Variants in FGF13 observed in about 807,000 individuals in gnomAD.
The protein encoded by FGF13 is fibroblast growth factor 13.
A neutral mutation model predicts 19.5 loss-of-function variants in FGF13; 2 were observed. The observed-to-expected ratio is 0.10, with a 90% CI of 0.04 to 0.32. The LOEUF is 0.32. Ranked by LOEUF, FGF13 falls within the 10% of genes least tolerant of loss-of-function variation. The probability of loss-of-function intolerance (pLI) is 1.00; values close to 1 mark genes in which losing one functional copy is unlikely to be tolerated. For missense variants in FGF13, 113 were observed against 192.7 expected (o/e 0.59, Z 2.45); for synonymous variants, 72 against 76.9 (o/e 0.94, Z 0.33).
At chrX:138,654,483 G>C (rs1049498029) in intron 3 of FGF13, among the ~76,000 whole-genome samples, 17 of 111,974 alleles carry the variant, frequency 1.5e-4, no homozygotes, top group African/African-American at 5.5e-4. Flanking sequence ...GCTCATGCCA[G>C]TAATCCCAAC....
At chrX:138,841,502 CA>C (rs1434601770) in intron 3 of FGF13, among the ~76,000 whole-genome samples, 1 of 110,233 alleles carries the variant, frequency 9.1e-6, no homozygotes. Context: ...AGTACCTATC[CA>C]ATCCTTTTTA....
At position 138,726,208 on chromosome X, in the gene FGF13, GA is replaced by G. The variant is rs1362570705; in HGVS notation, c.28+13033del. On this transcript the variant is annotated intron_variant, in intron 1 of 4. Transcript: ENST00000305414. ...GGGTTTTCATTTGCTACATCAAATTGAAAAAAAAAAATCATGCAGCACAGGA... is the reference window on the plus strand; with the variant it reads ...GGGTTTTCATTTGCTACATCAAATTGAAAAAAAAAATCATGCAGCACAGGA... Among the ~76,000 whole-genome samples, 48 of 106,041 alleles carry G rather than the reference GA, an allele frequency of 4.5e-4. No homozygotes were observed. The South Asian group carries it at 4.8e-3, about 11-fold the overall frequency. 92.1% of individuals were successfully genotyped at this position (106,041 alleles called of 115,157 possible).
chrX:138,973,326 A>G (rs1226717744), intron 1 of FGF13, among the ~76,000 whole-genome samples: 1 of 111,969 alleles, frequency 8.9e-6, no homozygotes, highest in African/African-American at 3.2e-5. Context: ...CCTGTTATTG[A>G]TTTCTAATTT....
At chrX:138,726,772 G>C (rs1402172554) in intron 1 of FGF13, among the ~76,000 whole-genome samples, 3 of 111,644 alleles carry the variant, frequency 2.7e-5, no homozygotes. Context: ...ACCAAACACT[G>C]GTCTTACACA....
At chrX:138,918,164 CA>C (rs3077321) in intron 1 of FGF13, among the ~76,000 whole-genome samples, 255 of 101,271 alleles carry the variant, frequency 2.5e-3, no homozygotes, top group Non-Finnish European at 3.1e-3. Flanking sequence ...AAACAGAAGA[CA>C]AAAAAAAAAA....
At chrX:138,808,214 A>G (rs1402348368) in intron 3 of FGF13, among the ~76,000 whole-genome samples, 1 of 112,102 alleles carries the variant, frequency 8.9e-6, no homozygotes, top group Non-Finnish European at 1.9e-5. Flanking sequence ...CAGCAAATGT[A>G]AAAGAACAGA....
chrX:139,120,974 G>A (rs1387789146), intron 1 of FGF13, among the ~76,000 whole-genome samples: 2 of 112,497 alleles, frequency 1.8e-5, no homozygotes, highest in Admixed American at 9.4e-5. Flanking sequence ...CCTCACTCGC[G>A]AATAATTTCA....
Position 138,696,656 on chromosome X carries a change from C to A in FGF13, c.402+6328G>T, listed in dbSNP as rs780847862. Among the ~76,000 whole-genome samples, 3 of 112,049 alleles carry A rather than the reference C, an allele frequency of 2.7e-5. No individual in the cohort carries two copies. The South Asian group carries it at 1.1e-3, about 42-fold the overall frequency. ...CTAAAAAAGGTCACAGAACTTGAGA[C>A]CAGTTTTGTTGGACGGGTCATCTCA... On this transcript the variant is annotated intron_variant, in intron 3 of 4. Transcript: ENST00000315930.
At chrX:138,944,519 AAT>A (rs869305457) in intron 1 of FGF13, among the ~76,000 whole-genome samples, 7 of 53,191 alleles carry the variant, frequency 1.3e-4, no homozygotes, top group Non-Finnish European at 9.6e-5. Flanking sequence ...AGAAAAAAAA[AAT>A]GAGAGAAGGA....
intron 3 of FGF13, among the ~76,000 whole-genome samples, chrX:138,828,513 T>C (rs1383723423): frequency 9.9e-6 from 1 of 101,108 alleles, no homozygotes; most frequent in African/African-American, 3.8e-5. Context: ...GAGCTTGCAG[T>C]GAGCCGAGAT....
chrX:138,842,318 G>A (rs1017940814), intron 3 of FGF13, among the ~76,000 whole-genome samples: 6 of 111,590 alleles, frequency 5.4e-5, no homozygotes, highest in Middle Eastern at 4.6e-3. Context: ...TTCAATGACA[G>A]TGGAATTTAA....
chrX:139,194,339 A>G (rs971653766), intron 1 of FGF13, among the ~76,000 whole-genome samples: 1 of 111,890 alleles, frequency 8.9e-6, no homozygotes, highest in Non-Finnish European at 1.9e-5. Flanking sequence ...CTTGGGTGAT[A>G]TTTTCTTCTC....
chrX:138,931,265 T>A (rs960436028), intron 1 of FGF13, among the ~76,000 whole-genome samples: 33 of 111,126 alleles, frequency 3.0e-4, no homozygotes, highest in Non-Finnish European at 5.3e-4. Context: ...TTTTTTTTTT[T>A]AATAACTGTC....
In FGF13 at chrX:138,625,414, G is replaced by C. The variant is rs1394888328; in HGVS notation, c.*7436C>G. 1 of 97,944 alleles carries C rather than the reference G, an allele frequency of 1.0e-5. No individual in the cohort carries two copies. Among genetic ancestry groups the C allele is most frequent in the Non-Finnish European group, 2.0e-5 (1 of 49,060 alleles). The allele number at this position is 97,944 out of a possible 1,213,427, so 8.1% of individuals were successfully genotyped here. ...CCATTATTCACAATAGATAAGTTAT[G>C]GAACAACCTAAGTGCCCACGGACAG... On this transcript the variant is annotated 3_prime_UTR_variant, in exon 5 of 5. Transcript: ENST00000315930.
chrX:139,071,465 C>T (rs1198384045), intron 1 of FGF13, among the ~76,000 whole-genome samples: 1 of 111,637 alleles, frequency 9.0e-6, no homozygotes, highest in Admixed American at 9.6e-5. Context: ...ATCTTATTAC[C>T]TCTCTTCATC....
intron 1 of FGF13, among the ~76,000 whole-genome samples, chrX:139,018,958 A>T (rs1201571827): frequency 9.0e-6 from 1 of 111,286 alleles, no homozygotes; most frequent in Non-Finnish European, 1.9e-5. Context: ...ACCCTTTAGC[A>T]GTCAATGCTC....
chrX:138,717,647 T>C (rs1050064797), intron 1 of FGF13, among the ~76,000 whole-genome samples: 1 of 111,655 alleles, frequency 9.0e-6, no homozygotes, highest in Non-Finnish European at 1.9e-5. Context: ...TGAGATCTGG[T>C]CTCTCTGTCA....
intron 1 of FGF13, among the ~76,000 whole-genome samples, chrX:139,154,371 T>G (rs1199822881): frequency 9.0e-6 from 1 of 111,629 alleles, no homozygotes; most frequent in African/African-American, 3.3e-5. Flanking sequence ...AGAGCACTGA[T>G]GAAGCGATGG....
chrX:139,129,218 GTAA>G (rs1280055297), intron 1 of FGF13, among the ~76,000 whole-genome samples: 1 of 106,863 alleles, frequency 9.4e-6, no homozygotes, highest in Non-Finnish European at 1.9e-5. Flanking sequence ...AATATAATAT[GTAA>G]TAATATAATG....
Sources: gnomAD v4.1 joint callset for allele counts (sites outside exome capture counted in the v4.1 genomes callset) on GRCh38, gnomAD v4.1.1 for gene constraint, MANE v1.5 for transcripts, NCBI Gene and HGNC (gene_info 2026-07-23, HGNC 2026-07-21) for gene names.